Variants in TENM1 observed in about 807,000 individuals in gnomAD.
TENM1 encodes the protein teneurin transmembrane protein 1, also known as teneurin-1.
Under a neutral mutation model 174.8 loss-of-function variants are expected in TENM1, and 35 were observed. That is an observed-to-expected ratio of 0.20 (90% CI 0.15 to 0.27). The LOEUF is 0.27. TENM1 is among the 10% of genes least tolerant of loss of function. The pLI, the probability that TENM1 is intolerant of heterozygous loss-of-function variation, is 1.00. For synonymous variants in TENM1, 781 were observed against 798.7 expected (o/e 0.98, Z 0.37); for missense variants, 1,633 against 2,130.1 (o/e 0.77, Z 4.59).
chrX:124,719,861 C>G (rs1005734725), intron 4 of TENM1, among the ~76,000 whole-genome samples: 2 of 111,938 alleles, frequency 1.8e-5, no homozygotes, highest in Non-Finnish European at 3.8e-5. Context: ...AATATCATCA[C>G]GGATTCACGG....
chrX:125,061,429 C>A, the TENM1 span, among the ~76,000 whole-genome samples: 1 of 111,780 alleles, frequency 8.9e-6, no homozygotes, highest in Non-Finnish European at 1.9e-5. Flanking sequence ...TTTATATATG[C>A]CCCCTGTTTA....
chrX:125,087,457 T>G, the TENM1 span, among the ~76,000 whole-genome samples: 3 of 111,276 alleles, frequency 2.7e-5, no homozygotes, highest in African/African-American at 6.5e-5. Flanking sequence ...AGAATAATTC[T>G]TAACTACAAT....
chrX:124,434,701 T>TGAAG (rs1200659393), intron 23 of TENM1, among the ~76,000 whole-genome samples: 1 of 112,633 alleles, frequency 8.9e-6, no homozygotes, highest in Non-Finnish European at 1.9e-5. Context: ...CAGCAGGAGA[T>TGAAG]GAAGGCCCAG....
At chrX:125,051,915 G>A in the TENM1 span, among the ~76,000 whole-genome samples, 669 of 106,858 alleles carry the variant, frequency 6.3e-3, 2 homozygotes, top group Middle Eastern at 0.019. Flanking sequence ...GCAACCTACA[G>A]AATGGGAGAA....
intron 14 of TENM1, among the ~76,000 whole-genome samples, chrX:124,548,027 G>C (rs893655159): frequency 1.8e-5 from 2 of 110,994 alleles, no homozygotes. Context: ...TAGTAGAGAC[G>C]GGGTTTCACC....
the TENM1 span, among the ~76,000 whole-genome samples, chrX:125,147,179 ATATG>A: frequency 1.9e-4 from 21 of 109,252 alleles, no homozygotes; most frequent in South Asian, 2.6e-3. Context: ...TATATCACAT[ATATG>A]TGTGTATACA....
At chrX:124,796,155 C>G (rs1432474412) in intron 3 of TENM1, among the ~76,000 whole-genome samples, 1 of 111,253 alleles carries the variant, frequency 9.0e-6, no homozygotes, top group East Asian at 2.8e-4. Flanking sequence ...AAAAAAGAGC[C>G]AGCAAAATAC....
At chrX:124,956,343 C>G (rs375159652) in intron 1 of TENM1, among the ~76,000 whole-genome samples, 8 of 112,339 alleles carry the variant, frequency 7.1e-5, no homozygotes, top group African/African-American at 2.3e-4. Context: ...TACAGATAAG[C>G]AAACCAAAGT....
rs142795897 is a variant in TENM1, at chrX:124,764,011, C to T, written c.536-26814G>A. ...AGGGTTTGGCTAAACTTGAATCCAA[C>T]GTTTATAAAGAAATTTATGTTTAAA... On this transcript the variant is annotated intron_variant, in intron 3 of 31. Transcript: ENST00000422452. 4.2e-3 allele frequency among the ~76,000 whole-genome samples: 468 copies of T among 112,111 alleles called. 1 individual carries two copies. Among genetic ancestry groups the T allele is most frequent in the African/African-American group, 0.014 (423 of 30,927 alleles).
chrX:125,109,914 T>G, the TENM1 span, among the ~76,000 whole-genome samples: 4 of 111,651 alleles, frequency 3.6e-5, no homozygotes, highest in East Asian at 8.4e-4. Context: ...GGGGATCCAT[T>G]GGAGATTGTT....
intron 3 of TENM1, among the ~76,000 whole-genome samples, chrX:124,757,220 G>A (rs1212023825): frequency 7.1e-5 from 8 of 112,271 alleles, no homozygotes; most frequent in South Asian, 3.7e-4. Flanking sequence ...CCCCAGCCTC[G>A]CTGCCACCTT....
intron 11 of TENM1, among the ~76,000 whole-genome samples, chrX:124,640,956 A>AT (rs1321453870): frequency 2.1e-5 from 2 of 97,457 alleles, no homozygotes; most frequent in Admixed American, 1.2e-4. Context: ...GCGAGAATCC[A>AT]TCTCCAAAAA....
chrX:125,181,893 T>A, the TENM1 span, among the ~76,000 whole-genome samples: 57 of 111,915 alleles, frequency 5.1e-4, 2 homozygotes, highest in South Asian at 0.021. Flanking sequence ...TGCCTTTCAG[T>A]AATCATGATC....
chrX:125,015,549 T>A, the TENM1 span, among the ~76,000 whole-genome samples: 1 of 111,856 alleles, frequency 8.9e-6, no homozygotes, highest in Non-Finnish European at 1.9e-5. Flanking sequence ...TAAGAACTGA[T>A]CTGCTTTTGG....
intron 14 of TENM1, among the ~76,000 whole-genome samples, chrX:124,560,606 A>G (rs1319188797): frequency 1.8e-5 from 2 of 110,928 alleles, no homozygotes; most frequent in East Asian, 5.7e-4. Context: ...AGGTCTTAAA[A>G]CTTTTAAAGG....
At position 124,861,933 on chromosome X, in the gene TENM1, G is replaced by T. The variant is rs531931428; in HGVS notation, c.535+32363C>A. Among the ~76,000 whole-genome samples, 30 of 112,027 alleles carry T rather than the reference G, an allele frequency of 2.7e-4. No homozygotes were observed. In the South Asian group the frequency reaches 0.011, roughly 40 times the overall value. On this transcript the variant is annotated intron_variant, in intron 3 of 31. Transcript: ENST00000422452. ...TGACTAATTGTGATTGAATGTGGTT[G>T]TGTCTACATGCATTGATTTGGCATA...
chrX:125,198,343 C>T, the TENM1 span, among the ~76,000 whole-genome samples: 1 of 111,578 alleles, frequency 9.0e-6, no homozygotes, highest in Non-Finnish European at 1.9e-5. Flanking sequence ...GTTTTCCTAT[C>T]ATCACTAACT....
At chrX:124,798,091 T>G (rs772200896) in intron 3 of TENM1, among the ~76,000 whole-genome samples, 74 of 112,214 alleles carry the variant, frequency 6.6e-4, no homozygotes, top group African/African-American at 2.3e-3. Context: ...CAGTCTATCA[T>G]CAATGGGCAT....
At chrX:125,202,530 A>G in the TENM1 span, among the ~76,000 whole-genome samples, 1 of 111,812 alleles carries the variant, frequency 8.9e-6, no homozygotes, top group East Asian at 2.8e-4. Flanking sequence ...TTACTGACCA[A>G]TTGCTTCATA....
Sources: gnomAD v4.1 joint callset for allele counts (sites outside exome capture counted in the v4.1 genomes callset) on GRCh38, gnomAD v4.1.1 for gene constraint, MANE v1.5 for transcripts, NCBI Gene and HGNC (gene_info 2026-07-23, HGNC 2026-07-21) for gene names.